LY96: variants seen among roughly 807,000 people sequenced by gnomAD.
LY96 encodes the protein myeloid differentiation protein-2.
Under a neutral mutation model 18.9 loss-of-function variants are expected in LY96, and 18 were observed. The ratio of observed to expected loss-of-function variants is 0.95; its 90% CI spans 0.66 to 1.41. LY96 has a LOEUF of 1.41. Among genes scored for constraint, LY96 ranks in the 40% most tolerant of loss-of-function variants. The pLI is 0.00. For synonymous variants in LY96, 66 were observed against 62.6 expected, an observed-to-expected ratio of 1.06 and a Z score of -0.26; for missense variants, 175 against 182.4, an observed-to-expected ratio of 0.96 and a Z score of 0.23.
At chr8:74,060,706 C>A in the LY96 span, among the ~76,000 whole-genome samples, 2 of 152,220 alleles carry the variant, frequency 1.3e-5, no homozygotes, top group Non-Finnish European at 2.9e-5. Flanking sequence ...AACTCACAAC[C>A]AAATTCATTT....
At chr8:74,047,162 A>T in the LY96 span, among the ~76,000 whole-genome samples, 1 of 152,214 alleles carries the variant, frequency 6.6e-6, no homozygotes, top group Admixed American at 6.5e-5. Context: ...TGCTGGGATT[A>T]CAGGCGTGAG....
intron 3 of LY96, among the ~76,000 whole-genome samples, chr8:74,018,665 A>G (rs1213340365): frequency 1.3e-5 from 2 of 152,240 alleles, no homozygotes; most frequent in East Asian, 1.9e-4. Flanking sequence ...TTGACCACAT[A>G]GTTGGAAGTA....
chr8:74,057,889 G>A, the LY96 span, among the ~76,000 whole-genome samples: 8 of 152,182 alleles, frequency 5.3e-5, no homozygotes, highest in South Asian at 2.1e-4. Context: ...ATAAAAATGC[G>A]GAATAGAAGG....
rs903249088 is a variant in LY96, at chr8:73,999,473, G to A, written c.113-5323G>A. On this transcript the variant is annotated intron_variant, in intron 1 of 4. Coordinates refer to ENST00000284818, the MANE Select transcript of LY96 (RefSeq NM_015364.5). ...CGGGGTTTTGCCATGTTGCCCAGGC[G>A]GGTCTTGAATTCCTGGACTCAAGCG... 7.3e-5 allele frequency among the ~76,000 whole-genome samples: 11 copies of A among 151,586 alleles called. No homozygotes were observed. In the East Asian group the frequency reaches 9.7e-4, roughly 13 times the overall value.
the LY96 span, among the ~76,000 whole-genome samples, chr8:74,093,940 A>T: frequency 6.6e-6 from 1 of 152,220 alleles, no homozygotes; most frequent in African/African-American, 2.4e-5. Context: ...ATCTATAGGC[A>T]TGGAGAAGAG....
At chr8:74,040,698 G>GTTT in the LY96 span, among the ~76,000 whole-genome samples, 174 of 109,230 alleles carry the variant, frequency 1.6e-3, 2 homozygotes, top group Non-Finnish European at 1.9e-3. Context: ...CTATGTGTCT[G>GTTT]TTTTTTTTTT....
chr8:74,079,814 T>C, the LY96 span, among the ~76,000 whole-genome samples: 1 of 152,102 alleles, frequency 6.6e-6, no homozygotes, highest in Non-Finnish European at 1.5e-5. Context: ...CTTCTAAAAT[T>C]GCTGGGATTA....
intron 2 of LY96, among the ~76,000 whole-genome samples, chr8:74,005,726 G>A (rs1486748247): frequency 6.6e-6 from 1 of 152,192 alleles, no homozygotes; most frequent in East Asian, 1.9e-4. Flanking sequence ...CGCAGGTGGG[G>A]TGATAGCATG....
intron 1 of LY96, among the ~76,000 whole-genome samples, chr8:74,002,070 C>T (rs757732780): frequency 0.32 from 5,712 of 17,878 alleles, 1,056 homozygotes; most frequent in African/African-American, 0.48. Flanking sequence ...TTCCTTCCTT[C>T]CTTCCTTTCT....
At chr8:74,025,241 G>C (rs759940532) in intron 3 of LY96, among the ~76,000 whole-genome samples, 14 of 152,218 alleles carry the variant, frequency 9.2e-5, no homozygotes, top group Non-Finnish European at 1.8e-4. Context: ...CTTTCAATAA[G>C]TGAGTTGTTG....
At chr8:74,070,747 T>C in the LY96 span, among the ~76,000 whole-genome samples, 1 of 151,650 alleles carries the variant, frequency 6.6e-6, no homozygotes, top group Non-Finnish European at 1.5e-5. Flanking sequence ...TAAAAAAAAA[T>C]TAATTATTAT....
the LY96 span, among the ~76,000 whole-genome samples, chr8:74,066,664 G>A: frequency 6.6e-6 from 1 of 152,214 alleles, no homozygotes; most frequent in Non-Finnish European, 1.5e-5. Flanking sequence ...GACATTGACA[G>A]ACTGCAGCAG....
At chr8:74,057,444 T>C in the LY96 span, among the ~76,000 whole-genome samples, 1 of 152,256 alleles carries the variant, frequency 6.6e-6, no homozygotes, top group Non-Finnish European at 1.5e-5. Context: ...TATTGGATCA[T>C]CCTCAGAAGG....
chr8:73,991,735 C>T (rs1418469134), intron 1 of LY96, among the ~76,000 whole-genome samples, 181 bp downstream of exon 1: 1 of 152,136 alleles, frequency 6.6e-6, no homozygotes, highest in Non-Finnish European at 1.5e-5. Context: ...TGTTCTCGAC[C>T]ACTCACAGAG....
At chr8:74,002,556 G>GATTT (rs1313133983) in intron 1 of LY96, among the ~76,000 whole-genome samples, 4 of 149,046 alleles carry the variant, frequency 2.7e-5, no homozygotes, top group South Asian at 2.1e-4. Flanking sequence ...TCAGCTCCAT[G>GATTT]ATTTATTTAT....
the LY96 span, among the ~76,000 whole-genome samples, chr8:74,043,232 A>G: frequency 6.6e-6 from 1 of 152,062 alleles, no homozygotes; most frequent in African/African-American, 2.4e-5. Flanking sequence ...AGGGCAATAC[A>G]GGAACAGGGG....
chr8:73,995,540 G>A (rs574443247), intron 1 of LY96, among the ~76,000 whole-genome samples: 2 of 152,318 alleles, frequency 1.3e-5, no homozygotes, highest in South Asian at 2.1e-4. Context: ...GCCTTAACAT[G>A]TGAATGGGGA....
chr8:74,099,176 G>A, the LY96 span, among the ~76,000 whole-genome samples: 1 of 152,170 alleles, frequency 6.6e-6, no homozygotes, highest in Non-Finnish European at 1.5e-5. Context: ...GGAAATACAA[G>A]TAAAATTCTA....
intron 1 of LY96, among the ~76,000 whole-genome samples, chr8:74,001,630 T>A (rs1027647251): frequency 2.0e-5 from 3 of 151,706 alleles, no homozygotes; most frequent in Admixed American, 6.6e-5. Context: ...GGCAGGAAGA[T>A]CACTTGAGTC....
Sources: gnomAD v4.1 joint callset for allele counts (sites outside exome capture counted in the v4.1 genomes callset) on GRCh38, gnomAD v4.1.1 for gene constraint, MANE v1.5 for transcripts, NCBI Gene and HGNC (gene_info 2026-07-23, HGNC 2026-07-21) for gene names.